DNAH11: variants seen among roughly 807,000 people sequenced by gnomAD.
DNAH11 encodes the protein dynein axonemal heavy chain 11.
A neutral mutation model predicts 526.0 loss-of-function variants in DNAH11; 442 were observed. That is an observed-to-expected ratio of 0.84 (90% confidence interval 0.78 to 0.91). The LOEUF is 0.91. Ranked by LOEUF, DNAH11 falls within the 40% of genes least tolerant of loss-of-function variation. The probability of loss-of-function intolerance (pLI) is 0.00; values close to 1 mark genes in which losing one functional copy is unlikely to be tolerated. For synonymous variants in DNAH11, 2,461 were observed against 1,935.9 expected, an observed-to-expected ratio of 1.27 and a Z score of -7.12; for missense variants, 6,989 against 5,448.7, an observed-to-expected ratio of 1.28 and a Z score of -8.90.
At chr7:21,811,520 A>G (rs1789522954) in intron 63 of DNAH11, among the ~76,000 whole-genome samples, 1 of 152,104 alleles carries the variant, frequency 6.6e-6, no homozygotes, top group African/African-American at 2.4e-5. Flanking sequence ...TAGAGCATTC[A>G]CATTCACAGA....
chr7:21,567,075 T>G (rs1464420970), intron 6 of DNAH11, among the ~76,000 whole-genome samples: 1 of 152,222 alleles, frequency 6.6e-6, no homozygotes, highest in Non-Finnish European at 1.5e-5. Flanking sequence ...TTCATGGCTC[T>G]TGAGCAATAT....
intron 61 of DNAH11, among the ~76,000 whole-genome samples, chr7:21,792,000 A>G (rs991485533): frequency 6.6e-6 from 1 of 152,168 alleles, no homozygotes; most frequent in Admixed American, 6.5e-5. Context: ...GGAAACTTTC[A>G]ACCATGGCAG....
At chr7:21,748,809 G>T in intron 52 of DNAH11, 67 bp downstream of exon 52, 1 of 1,511,292 alleles carries the variant, frequency 6.6e-7, no homozygotes. Context: ...GGCTCCTAGT[G>T]CGCCCGTGTG....
At chr7:21,690,250 G>A (rs1783557558) in intron 34 of DNAH11, among the ~76,000 whole-genome samples, 1 of 152,114 alleles carries the variant, frequency 6.6e-6, no homozygotes, top group African/African-American at 2.4e-5. Context: ...CTCACAGTCT[G>A]GCTCCAGAGC....
intron 28 of DNAH11, among the ~76,000 whole-genome samples, chr7:21,652,462 A>G (rs1781822526): frequency 6.6e-6 from 1 of 152,232 alleles, no homozygotes; most frequent in Non-Finnish European, 1.5e-5. Flanking sequence ...GAAGGAGGCA[A>G]TGCTATTCAT....
Position 21,738,093 on chromosome 7 carries a change from C to G in DNAH11, c.7646-608C>G, listed in dbSNP as rs866081050. On this transcript the variant is annotated intron_variant, in intron 46 of 81. Coordinates refer to ENST00000409508, the MANE Select transcript of DNAH11 (RefSeq NM_001277115.2). ...TGGAGAGTCAACAAGTAATCAGATA[C>G]TACATCTCAGACACGCACTGTTCTG... Among the ~76,000 whole-genome samples the G allele has an allele frequency of 1.4e-4, 21 of 152,208 alleles. 1 individual carries two copies. The Middle Eastern group carries it at 0.01, about 74-fold the overall frequency.
At chr7:21,594,018 TCA>T (rs892178205) in intron 14 of DNAH11, among the ~76,000 whole-genome samples, 2 of 143,802 alleles carry the variant, frequency 1.4e-5, no homozygotes, top group African/African-American at 5.1e-5. Context: ...ACACACACAC[TCA>T]CACACACTCT....
chr7:21,617,858 T>G lies in DNAH11; in HGVS notation c.4254+81T>G, dbSNP rs1425562120. On this transcript the variant is annotated intron_variant, in intron 23 of 81. Coordinates refer to ENST00000409508, the MANE Select transcript of DNAH11 (RefSeq NM_001277115.2). ...TTGGTTTGCATCATCTGAGATGAAG[T>G]GTAATTTATGAAAAGACCCCCCTCA... 6 of 1,398,018 alleles carry G rather than the reference T, an allele frequency of 4.3e-6. No individual in the cohort carries two copies. In the South Asian group the frequency reaches 8.5e-5, roughly 20 times the overall value. The allele number at this position is 1,398,018 out of a possible 1,614,324, so 86.6% of individuals were successfully genotyped here.
rs149041924 is a variant in DNAH11 at position 21,665,895 on chromosome 7, G to C, written c.5328+6864G>C. On this transcript the variant is annotated intron_variant, in intron 30 of 81. Coordinates refer to ENST00000409508, the MANE Select transcript of DNAH11 (RefSeq NM_001277115.2). ...TCTGCTAAGCTGTGGTTTGGGTCAT[G>C]AGAAATGTTTGCATCTAAGTTGAAA... Among the ~76,000 whole-genome samples, 529 of 152,216 alleles carry C rather than the reference G, an allele frequency of 3.5e-3. 2 individuals carry two copies. The highest frequency in any genetic ancestry group is 0.017 in the Middle Eastern group (5 of 294).
At chr7:21,724,661 A>C (rs567219169) in intron 44 of DNAH11, among the ~76,000 whole-genome samples, 32 of 150,950 alleles carry the variant, frequency 2.1e-4, no homozygotes, top group African/African-American at 6.3e-4. Flanking sequence ...GAGCCAGGTC[A>C]TCCTATGAAT....
intron 30 of DNAH11, among the ~76,000 whole-genome samples, chr7:21,679,873 T>A (rs925927578): frequency 1.2e-4 from 18 of 152,174 alleles, no homozygotes; most frequent in Admixed American, 3.3e-4. Flanking sequence ...TTTTAAAAAA[T>A]TTTATTATTA....
intron 39 of DNAH11, among the ~76,000 whole-genome samples, chr7:21,706,334 A>G (rs899639749): frequency 1.3e-5 from 2 of 152,110 alleles, no homozygotes; most frequent in Non-Finnish European, 2.9e-5. Flanking sequence ...ATGCTTGGGT[A>G]TAAACATACT....
chr7:21,593,895 C>A (rs933709046), intron 14 of DNAH11, among the ~76,000 whole-genome samples: 3 of 151,806 alleles, frequency 2.0e-5, no homozygotes, highest in Non-Finnish European at 4.4e-5. Context: ...CCTGCTCCCC[C>A]CAGACACAAA....
chr7:21,564,132 G>GAAA (rs60940743), intron 5 of DNAH11, 54 bp from the exon 6 acceptor site: 561 of 1,147,330 alleles, frequency 4.9e-4, no homozygotes, highest in South Asian at 6.9e-4. Context: ...AGTGAATTTA[G>GAAA]AAAAAAAAAA....
intron 62 of DNAH11, among the ~76,000 whole-genome samples, chr7:21,803,628 G>A (rs547014790): frequency 5.9e-4 from 90 of 151,982 alleles, no homozygotes; most frequent in African/African-American, 2.1e-3. Context: ...TGGAAAAGTG[G>A]GGAATGGGGC....
intron 61 of DNAH11, among the ~76,000 whole-genome samples, chr7:21,790,402 A>T (rs1788430730): frequency 6.6e-6 from 1 of 152,174 alleles, no homozygotes; most frequent in African/African-American, 2.4e-5. Flanking sequence ...GTGAGCCAAG[A>T]TCACACCACT....
chr7:21,675,323 T>C (rs1782830683), intron 30 of DNAH11, among the ~76,000 whole-genome samples: 1 of 152,206 alleles, frequency 6.6e-6, no homozygotes, highest in African/African-American at 2.4e-5. Context: ...AGCCACCCGA[T>C]CCATTCAGGG....
intron 25 of DNAH11, among the ~76,000 whole-genome samples, chr7:21,633,622 A>G (rs962090797): frequency 1.3e-5 from 2 of 152,214 alleles, no homozygotes; most frequent in Admixed American, 6.5e-5. Context: ...GGCTCCAGGT[A>G]TGATACCATT....
rs138222540 is a variant in DNAH11, at chr7:21,581,081, C to A, written c.1594-824C>A. Reference sequence around the variant, plus strand: ...ACTCACGTGCTAACTGTCATTAATTCTATTACCGTTGTTATTGTTAATAGA... The same window carrying A: ...ACTCACGTGCTAACTGTCATTAATTATATTACCGTTGTTATTGTTAATAGA... On this transcript the variant is annotated intron_variant, in intron 8 of 81. Coordinates refer to ENST00000409508, the MANE Select transcript of DNAH11 (RefSeq NM_001277115.2). Among the ~76,000 whole-genome samples, 677 of 152,292 alleles carry A rather than the reference C, an allele frequency of 4.4e-3. 4 individuals are homozygous for A. Among genetic ancestry groups the A allele is most frequent in the African/African-American group, 0.015 (606 of 41,568 alleles).
Sources: gnomAD v4.1 joint callset for allele counts (sites outside exome capture counted in the v4.1 genomes callset) on GRCh38, gnomAD v4.1.1 for gene constraint, MANE v1.5 for transcripts, NCBI Gene and HGNC (gene_info 2026-07-23, HGNC 2026-07-21) for gene names.